SNTG2: variants seen among roughly 807,000 people sequenced by gnomAD.
SNTG2 encodes the protein gamma-2-syntrophin.
A neutral mutation model predicts 70.9 loss-of-function variants in SNTG2; 74 were observed. The ratio of observed to expected loss-of-function variants is 1.04; its 90% CI spans 0.86 to 1.27. The LOEUF (loss-of-function observed/expected upper bound fraction) is 1.27, where lower values mean the gene tolerates loss of function less well. Ranked by LOEUF, SNTG2 falls within the 50% of genes most tolerant of loss-of-function variation. The pLI, the probability that SNTG2 is intolerant of heterozygous loss-of-function variation, is 0.00. For missense variants in SNTG2, 717 were observed against 690.7 expected (o/e 1.04, Z -0.43); for synonymous variants, 278 against 273.8 (o/e 1.02, Z -0.15).
chr2:1,288,205 C>T lies in SNTG2; in HGVS notation c.1285-20289C>T, dbSNP rs186564617. On this transcript the variant is annotated intron_variant, in intron 14 of 16. Transcript: ENST00000308624. ...GTGTTTTTTGGGCGGCACTTATGTTCTAGGCCTTGGAGAACCTACAGTGAA... is the reference window on the plus strand; with the variant it reads ...GTGTTTTTTGGGCGGCACTTATGTTTTAGGCCTTGGAGAACCTACAGTGAA... Among the ~76,000 whole-genome samples, 228 of 152,278 alleles carry T rather than the reference C, an allele frequency of 1.5e-3. 2 individuals carry two copies. The highest frequency in any genetic ancestry group is 3.4e-3 in the Middle Eastern group (1 of 294).
chr2:1,119,219 A>T (rs1019013532), intron 4 of SNTG2, among the ~76,000 whole-genome samples: 5 of 148,238 alleles, frequency 3.4e-5, no homozygotes, highest in South Asian at 2.2e-4. Flanking sequence ...TTTCCTAGAT[A>T]AAAAAAAGAA....
chr2:1,199,158 C>T (rs578198983), intron 8 of SNTG2, among the ~76,000 whole-genome samples: 1 of 80,302 alleles, frequency 1.2e-5, no homozygotes, highest in East Asian at 1.1e-3. Context: ...CCTAATCCAA[C>T]AACACATTAA....
At chr2:1,234,938 C>G (rs1225562638) in intron 9 of SNTG2, among the ~76,000 whole-genome samples, 1 of 152,256 alleles carries the variant, frequency 6.6e-6, no homozygotes, top group Non-Finnish European at 1.5e-5. Context: ...TTCAGTCATC[C>G]ATGCATTTGG....
intron 14 of SNTG2, among the ~76,000 whole-genome samples, chr2:1,272,465 A>AAAAAAG: frequency 1.3e-5 from 1 of 77,734 alleles, no homozygotes; most frequent in Non-Finnish European, 2.5e-5. Flanking sequence ...GGTACTGGTA[A>AAAAAAG]AAAAAAAAAA....
At chr2:1,005,811 A>C in intron 1 of SNTG2, among the ~76,000 whole-genome samples, 1 of 6,232 alleles carries the variant, frequency 1.6e-4, no homozygotes. Flanking sequence ...CTCAAAATAT[A>C]TATATATATA....
At chr2:1,090,977 A>G (rs542943134) in intron 2 of SNTG2, among the ~76,000 whole-genome samples, 37 of 152,232 alleles carry the variant, frequency 2.4e-4, no homozygotes, top group African/African-American at 7.2e-4. Context: ...GCTGTGCCCA[A>G]TGATCATTTT....
intron 7 of SNTG2, among the ~76,000 whole-genome samples, chr2:1,172,062 C>T (rs1413155635): frequency 2.0e-5 from 3 of 152,188 alleles, no homozygotes; most frequent in African/African-American, 7.2e-5. Context: ...CTTTCTTCAG[C>T]TTCACAGGGG....
At chr2:1,037,073 TAGAAAC>T (rs1661171938) in intron 1 of SNTG2, among the ~76,000 whole-genome samples, 1 of 152,214 alleles carries the variant, frequency 6.6e-6, no homozygotes, top group Admixed American at 6.5e-5. Context: ...ACAAGCAAAG[TAGAAAC>T]CCACCAAGTC....
intron 1 of SNTG2, among the ~76,000 whole-genome samples, chr2:1,079,652 C>G (rs756750041): frequency 6.6e-6 from 1 of 152,008 alleles, no homozygotes; most frequent in Non-Finnish European, 1.5e-5. Flanking sequence ...CACACCCTTC[C>G]CGTGTCCTCG....
intron 4 of SNTG2, among the ~76,000 whole-genome samples, chr2:1,125,860 GT>G (rs1558430661): frequency 2.6e-5 from 4 of 151,744 alleles, no homozygotes; most frequent in African/African-American, 7.3e-5. Context: ...GTGAAGCTGT[GT>G]TTTTTTTAAT....
At position 1,209,218 on chromosome 2, in the gene SNTG2, C is replaced by G. The variant is rs200559818; in HGVS notation, c.707C>G (p.Thr236Arg). The change falls in exon 9 of 17, where the codon ACG becomes AGG. Residue 236 changes from threonine to arginine, a missense_variant. By Grantham distance (71) the Thr-to-Arg change is moderately conservative. Coordinates refer to ENST00000308624, the MANE Select transcript of SNTG2 (RefSeq NM_018968.4). ...CGCATCTCAAGGTACAAAGCCGGAA[C>G]GGAAAAATTAAGGTGTGTGACCATT... The part of the protein sequence containing the change: ...MARISRYKAG[T>R]EKLRWNAFEV... The G allele has an allele frequency of 8.1e-6, 13 of 1,613,784 alleles. No homozygotes were observed. The highest frequency in any genetic ancestry group is 1.1e-5 in the Non-Finnish European group (13 of 1,179,890).
Position 1,043,290 on chromosome 2 carries a change from T to G in SNTG2, c.73-40228T>G, listed in dbSNP as rs562434639. On this transcript the variant is annotated intron_variant, in intron 1 of 16. Transcript: ENST00000308624. ...GTTTGTTTCTTTTGTTAGATTTGTT[T>G]AAGTTTCCTATGGATTCTGGATATT... 7.9e-5 allele frequency among the ~76,000 whole-genome samples: 12 copies of G among 152,260 alleles called. No homozygotes were observed. The South Asian group carries it at 8.3e-4, about 11-fold the overall frequency.
chr2:986,299 A>T (rs1234872713), intron 1 of SNTG2, among the ~76,000 whole-genome samples: 8 of 152,146 alleles, frequency 5.3e-5, no homozygotes, highest in Admixed American at 4.6e-4. Context: ...ACGCTCTACC[A>T]GGGTTGTTTG....
intron 14 of SNTG2, among the ~76,000 whole-genome samples, chr2:1,299,514 C>G (rs1680359679): frequency 1.3e-5 from 2 of 152,184 alleles, no homozygotes; most frequent in South Asian, 4.1e-4. Context: ...TCTCTGTCTC[C>G]TTTTCTCAGA....
chr2:1,100,184 A>T (rs373397926), intron 4 of SNTG2, among the ~76,000 whole-genome samples: 35 of 150,806 alleles, frequency 2.3e-4, no homozygotes, highest in African/African-American at 8.3e-4. Context: ...CCCCCACCCC[A>T]CTGACAGAGT....
intron 14 of SNTG2, among the ~76,000 whole-genome samples, chr2:1,283,328 C>G (rs374699247): frequency 2.6e-4 from 40 of 152,304 alleles, no homozygotes; most frequent in African/African-American, 8.9e-4. Context: ...CTGCTTGGGA[C>G]CGGGGTGCCC....
rs527812287 is a variant in SNTG2, at chr2:1,009,267, T to A, written c.72+58199T>A. ...TTCTGATACTGGTGGGTCGTGTGTATGGCAGCCACACCTGTGTCCCCAGGA... is the reference window on the plus strand; with the variant it reads ...TTCTGATACTGGTGGGTCGTGTGTAAGGCAGCCACACCTGTGTCCCCAGGA... On this transcript the variant is annotated intron_variant, in intron 1 of 16. Coordinates refer to ENST00000308624, the MANE Select transcript of SNTG2 (RefSeq NM_018968.4). Among the ~76,000 whole-genome samples, 3 of 126,902 alleles carry A rather than the reference T, an allele frequency of 2.4e-5. No individual in the cohort carries two copies. The South Asian group carries it at 1.0e-3, about 43-fold the overall frequency. The allele number at this position is 126,902 out of a possible 152,430, so 83.3% of individuals were successfully genotyped here. A position where few individuals can be genotyped will look rare whatever the true frequency, so the allele number is the denominator to read the frequency against.
intron 1 of SNTG2, among the ~76,000 whole-genome samples, chr2:1,021,936 CTTTT>C (rs71392556): frequency 1.1e-3 from 136 of 121,102 alleles, no homozygotes; most frequent in Middle Eastern, 5.0e-3. Flanking sequence ...GTTTTATGTG[CTTTT>C]TTTTTTTTTT....
At chr2:980,327 A>G (rs531030968) in intron 1 of SNTG2, among the ~76,000 whole-genome samples, 1 of 152,324 alleles carries the variant, frequency 6.6e-6, no homozygotes, top group South Asian at 2.1e-4. Context: ...GAGAAAGAAT[A>G]AGCATCCTTG....
Sources: gnomAD v4.1 joint callset for allele counts (sites outside exome capture counted in the v4.1 genomes callset) on GRCh38, gnomAD v4.1.1 for gene constraint, MANE v1.5 for transcripts, NCBI Gene and HGNC (gene_info 2026-07-23, HGNC 2026-07-21) for gene names.